The following NOL4 variants were observed in gnomAD, a reference collection of about 807,000 sequenced individuals.
The protein encoded by NOL4 is cancer/testis antigen 125.
Under a neutral mutation model 75.9 loss-of-function variants are expected in NOL4, and 17 were observed. The observed-to-expected ratio is 0.22, with a 90% CI of 0.15 to 0.34. NOL4 has a LOEUF of 0.34. Ranked by LOEUF, NOL4 falls within the 10% of genes least tolerant of loss-of-function variation. NOL4 has a pLI of 1.00. For synonymous variants in NOL4, 292 were observed against 289.9 expected (o/e 1.01, Z -0.07); for missense variants, 614 against 793.5 (o/e 0.77, Z 2.72).
In NOL4 at chr18:34,224,811, T is replaced by G. The variant is rs377720541; in HGVS notation, c.-1558A>C. ...TGAGCAAGGGAGCGAGGGTGTGCGGTGTGCAGGGGGTGCGCTGTGTGTGCG... is the reference window on the plus strand; with the variant it reads ...TGAGCAAGGGAGCGAGGGTGTGCGGGGTGCAGGGGGTGCGCTGTGTGTGCG... On this transcript the variant is annotated 5_prime_UTR_variant, in exon 1 of 11. Coordinates refer to ENST00000261592, the MANE Select transcript of NOL4 (RefSeq NM_003787.5). 21 of 154,874 alleles carry G rather than the reference T, an allele frequency of 1.4e-4. No individual in the cohort carries two copies. In the South Asian group the frequency reaches 2.6e-3, roughly 19 times the overall value. The allele number at this position is 154,874 out of a possible 1,614,324, so 9.6% of individuals were successfully genotyped here.
At chr18:34,216,683 T>A (rs2036915130) in intron 1 of NOL4, among the ~76,000 whole-genome samples, 1 of 150,464 alleles carries the variant, frequency 6.6e-6, no homozygotes, top group Non-Finnish European at 1.5e-5. Flanking sequence ...AACCAGGATC[T>A]AAGAAACAAG....
intron 1 of NOL4, among the ~76,000 whole-genome samples, chr18:34,211,808 G>A (rs934554764): frequency 6.6e-6 from 1 of 152,076 alleles, no homozygotes; most frequent in African/African-American, 2.4e-5. Context: ...TAAAATCAAC[G>A]TAGAGAGGAG....
chr18:34,161,677 A>G (rs1208656802), intron 1 of NOL4, among the ~76,000 whole-genome samples: 1 of 151,994 alleles, frequency 6.6e-6, no homozygotes, highest in East Asian at 1.9e-4. Flanking sequence ...TCATTTGCCC[A>G]TTTTTAAATC....
At chr18:34,214,929 A>C (rs118093010) in intron 1 of NOL4, among the ~76,000 whole-genome samples, 1 of 152,228 alleles carries the variant, frequency 6.6e-6, no homozygotes, top group Non-Finnish European at 1.5e-5. Flanking sequence ...CAAATTCTGT[A>C]TGATTCCACT....
At chr18:33,887,604 G>A (rs1159071659) in intron 9 of NOL4, among the ~76,000 whole-genome samples, 2 of 151,352 alleles carry the variant, frequency 1.3e-5, no homozygotes, top group South Asian at 2.1e-4. Flanking sequence ...AGTGTGTGAT[G>A]TTCCCTGCCT....
At chr18:34,070,807 ATTCT>A (rs1165473303) in intron 5 of NOL4, among the ~76,000 whole-genome samples, 2 of 152,198 alleles carry the variant, frequency 1.3e-5, no homozygotes, top group Non-Finnish European at 2.9e-5. Context: ...ATATATAAAG[ATTCT>A]TTATGCTTCT....
At chr18:34,059,122 C>CATATATATATATATATATATATATAT (rs55773398) in intron 5 of NOL4, among the ~76,000 whole-genome samples, 1 of 118,214 alleles carries the variant, frequency 8.5e-6, no homozygotes, top group African/African-American at 3.1e-5. Flanking sequence ...GATAGATATA[C>CATATATATATATATATATATATATAT]ATATATATAT....
chr18:34,147,496 C>A (rs1431660710), intron 1 of NOL4, among the ~76,000 whole-genome samples: 1 of 152,056 alleles, frequency 6.6e-6, no homozygotes, highest in Non-Finnish European at 1.5e-5. Flanking sequence ...GTCATTGGTT[C>A]TGTTTATGTG....
intron 8 of NOL4, among the ~76,000 whole-genome samples, chr18:33,944,483 T>C (rs568477410): frequency 1.3e-5 from 2 of 151,980 alleles, no homozygotes; most frequent in South Asian, 2.1e-4. Context: ...GCAGCTGCCT[T>C]AGCAGACTTC....
intron 10 of NOL4, among the ~76,000 whole-genome samples, chr18:33,854,205 G>A (rs1433568144): frequency 1.3e-5 from 2 of 151,992 alleles, no homozygotes; most frequent in African/African-American, 4.8e-5. Flanking sequence ...TATCCTTTTG[G>A]TTCTCCTTGA....
chr18:34,105,772 T>C (rs1295870000), intron 2 of NOL4, among the ~76,000 whole-genome samples: 1 of 152,062 alleles, frequency 6.6e-6, no homozygotes, highest in East Asian at 1.9e-4. Context: ...TTTTTTATAA[T>C]GTATGTCCAT....
intron 9 of NOL4, among the ~76,000 whole-genome samples, chr18:33,934,639 T>A (rs963022410): frequency 6.6e-6 from 1 of 152,168 alleles, no homozygotes; most frequent in African/African-American, 2.4e-5. Context: ...TTAAATCTCA[T>A]GAACTAATCT....
intron 1 of NOL4, among the ~76,000 whole-genome samples, chr18:34,203,462 G>T (rs1190534171): frequency 6.7e-6 from 1 of 149,376 alleles, no homozygotes; most frequent in Admixed American, 6.7e-5. Context: ...AGTAAAGCTG[G>T]GAAAATGTCA....
intron 6 of NOL4, among the ~76,000 whole-genome samples, chr18:33,967,715 ATAAT>A (rs2145838611): frequency 6.6e-6 from 1 of 152,364 alleles, no homozygotes; most frequent in South Asian, 2.1e-4. Flanking sequence ...AATCTTCATC[ATAAT>A]TAATTATTAG....
At chr18:33,935,252 C>T (rs1217905530) in intron 9 of NOL4, among the ~76,000 whole-genome samples, 1 of 151,998 alleles carries the variant, frequency 6.6e-6, no homozygotes, top group African/African-American at 2.4e-5. Context: ...AGCTTTAGGC[C>T]CATCTCGGCT....
At chr18:34,222,233 G>A in intron 1 of NOL4, 1 of 1,403,458 alleles carries the variant, frequency 7.1e-7, no homozygotes, top group Non-Finnish European at 9.2e-7. Flanking sequence ...AGCCACCCCA[G>A]AAAAAGGAAC....
chr18:34,063,587 G>A (rs939298757), intron 5 of NOL4, among the ~76,000 whole-genome samples: 1 of 152,002 alleles, frequency 6.6e-6, no homozygotes. Context: ...CTTAAAATGT[G>A]TTATTGGACA....
At chr18:34,184,521 T>C (rs1335246872) in intron 1 of NOL4, among the ~76,000 whole-genome samples, 1 of 151,834 alleles carries the variant, frequency 6.6e-6, no homozygotes, top group Admixed American at 6.6e-5. Flanking sequence ...AGTTGGAAAG[T>C]GGGAGTGGTT....
chr18:33,891,017 A>G (rs1471947958), intron 9 of NOL4, among the ~76,000 whole-genome samples: 1 of 151,806 alleles, frequency 6.6e-6, no homozygotes, highest in Non-Finnish European at 1.5e-5. Flanking sequence ...CCCATCTTGG[A>G]GAGCAAACCT....
Sources: allele counts gnomAD v4.1 joint callset (sites outside exome capture counted in the v4.1 genomes callset), GRCh38; gene constraint gnomAD v4.1.1; transcripts MANE v1.5; gene names NCBI Gene and HGNC (gene_info 2026-07-23, HGNC 2026-07-21).